The following HEBP1 variants were observed in gnomAD, a reference collection of about 807,000 sequenced individuals.
HEBP1 encodes the protein heme binding protein 1.
Under a neutral mutation model 20.4 loss-of-function variants are expected in HEBP1, and 13 were observed. The ratio of observed to expected loss-of-function variants is 0.64; its 90% confidence interval spans 0.42 to 1.01. The LOEUF (loss-of-function observed/expected upper bound fraction) is 1.01, where lower values mean the gene tolerates loss of function less well. HEBP1 is among the 50% of genes least tolerant of loss of function. HEBP1 has a pLI of 0.00. For synonymous variants in HEBP1, 92 were observed against 90.7 expected (o/e 1.01, Z -0.08); for missense variants, 241 against 247.3 (o/e 0.97, Z 0.17).
At chr12:12,994,680 C>T (rs1864269556) in intron 1 of HEBP1, among the ~76,000 whole-genome samples, 1 of 152,094 alleles carries the variant, frequency 6.6e-6, no homozygotes, top group South Asian at 2.1e-4. Flanking sequence ...TCTAGGAACC[C>T]CTAAAGTCAG....
In HEBP1 at chr12:12,989,392, C is replaced by T. The variant is rs767970203; in HGVS notation, c.102G>A (p.Arg34=). ...TGGCAAATTTGCCGCCTTCACAGGC[C>T]CTTTCTTCATAGGCAACTTCTTCCT... ...GDKEEVAYEE[R]ACEGGKFATV... is the part of the protein sequence containing the mutation. Residue 34 remains arginine, a synonymous_variant, in exon 2 of 4, where the codon AGG becomes AGA. Coordinates refer to ENST00000014930, the MANE Select transcript of HEBP1 (RefSeq NM_015987.5). 3.7e-6 allele frequency: 6 copies of T among 1,614,178 alleles called. No homozygotes were observed. In the Admixed American group the frequency reaches 8.3e-5, roughly 22 times the overall value.
At chr12:12,984,035 G>T (rs756212877) in intron 3 of HEBP1, 7 of 229,876 alleles carry the variant, frequency 3.0e-5, no homozygotes, top group Admixed American at 5.3e-5. Context: ...AAACTGAAAC[G>T]TATCAAATAT....
chr12:12,976,922 C>G (rs569762813), intron 3 of HEBP1, among the ~76,000 whole-genome samples: 4 of 152,278 alleles, frequency 2.6e-5, no homozygotes, highest in African/African-American at 9.6e-5. Flanking sequence ...TGAACCATGT[C>G]TTTAGTTGGA....
intron 2 of HEBP1, among the ~76,000 whole-genome samples, chr12:12,987,612 T>TTCTC (rs71064360): frequency 0.022 from 2,619 of 117,680 alleles, 92 homozygotes; most frequent in African/African-American, 0.074. Context: ...CTCTCTCTCT[T>TTCTC]TCTCTCTCTC....
intron 1 of HEBP1, among the ~76,000 whole-genome samples, chr12:12,992,577 C>G (rs763910699): frequency 6.6e-6 from 1 of 152,104 alleles, no homozygotes; most frequent in Admixed American, 6.5e-5. Context: ...GAGGAAATTG[C>G]GCCAGACCAG....
intron 1 of HEBP1, among the ~76,000 whole-genome samples, chr12:12,993,751 A>C (rs911479087): frequency 6.6e-6 from 1 of 152,192 alleles, no homozygotes; most frequent in African/African-American, 2.4e-5. Flanking sequence ...TCATTTAACC[A>C]ACAACTACTG....
chr12:12,999,901 C>A, intron 1 of HEBP1, 136 bp downstream of exon 1: 1 of 516,680 alleles, frequency 1.9e-6, no homozygotes, highest in Non-Finnish European at 3.6e-6. Context: ...GAGAGCCGCA[C>A]TCGCGACAGA....
intron 1 of HEBP1, among the ~76,000 whole-genome samples, chr12:12,994,926 T>G (rs575126461): frequency 6.6e-6 from 1 of 152,198 alleles, no homozygotes; most frequent in Non-Finnish European, 1.5e-5. Context: ...CTGTGTTAAT[T>G]AATCTGCTGC....
chr12:12,976,090 AAAAAAAAAAC>A (rs1863981995), intron 3 of HEBP1, among the ~76,000 whole-genome samples: 1 of 151,636 alleles, frequency 6.6e-6, no homozygotes, highest in African/African-American at 2.4e-5. Context: ...AAAAAAAAAA[AAAAAAAAAAC>A]AAACCAAAAA....
intron 1 of HEBP1, among the ~76,000 whole-genome samples, chr12:12,991,447 C>G (rs1864224873): frequency 6.6e-6 from 1 of 152,304 alleles, no homozygotes; most frequent in South Asian, 2.1e-4. Flanking sequence ...TCTTTTCACA[C>G]AAATCCTTCT....
Position 12,975,349 on chromosome 12 carries a change from G to C in HEBP1, c.529C>G (p.Pro177Ala), listed in dbSNP as rs1389840084. 6.2e-7 allele frequency: 1 copy of C among 1,613,950 alleles called. No individual in the cohort carries two copies. Among genetic ancestry groups the C allele is most frequent in the African/African-American group, 1.3e-5 (1 of 74,918 alleles). ...FCTGYDPPMK[P>A]YGRRNEIWLL... ...CAGATCTCATTGCGCCGTCCGTAGGGCTTCATGGGAGGGTCATAACCCGTG... is the reference window on the plus strand; with the variant it reads ...CAGATCTCATTGCGCCGTCCGTAGGCCTTCATGGGAGGGTCATAACCCGTG... The change falls in exon 4 of 4, where the codon CCC becomes GCC. Residue 177 changes from proline (P) to alanine (A), a missense_variant. Physicochemically the swap from Pro to Ala is conservative, Grantham distance 27. Transcript: ENST00000014930.
At chr12:12,999,956 C>G (rs983445027) in intron 1 of HEBP1, 81 bp downstream of exon 1, 2 of 948,714 alleles carry the variant, frequency 2.1e-6, no homozygotes, top group Non-Finnish European at 3.2e-6. Context: ...CCACCTGCCC[C>G]TCAGCACCCG....
rs746576485 is a variant in HEBP1, at chr12:12,989,363, A to G, written c.131T>C (p.Val44Ala). Reference sequence around the variant, plus strand: ...ATCCACAGGCTTATCTGTCACTTCTACTGTGGCAAATTTGCCGCCTTCACA... The same window carrying G: ...ATCCACAGGCTTATCTGTCACTTCTGCTGTGGCAAATTTGCCGCCTTCACA... ...RACEGGKFATVEVTDKPVDEA... is the reference protein window; with the variant it reads ...RACEGGKFATAEVTDKPVDEA... Residue 44 changes from valine to alanine, a missense_variant, in exon 2 of 4, where the codon GTA (valine) becomes GCA (alanine). Coordinates refer to ENST00000014930, the MANE Select transcript of HEBP1 (RefSeq NM_015987.5). The G allele has an allele frequency of 1.3e-5, 21 of 1,614,062 alleles. No homozygotes were observed. In the Admixed American group the frequency reaches 3.5e-4, roughly 27 times the overall value.
intron 2 of HEBP1, among the ~76,000 whole-genome samples, chr12:12,987,646 C>CTCTCGCTCTCTCTCTCTCTCT (rs1864171296): frequency 2.8e-5 from 4 of 143,898 alleles, no homozygotes; most frequent in Non-Finnish European, 4.6e-5. Flanking sequence ...TTCTTTCTTT[C>CTCTCGCTCTCTCTCTCTCTCT]TTCCGACAGT....
At chr12:12,989,481 A>G in intron 1 of HEBP1, 66 bp from the exon 2 acceptor site, 1 of 1,555,940 alleles carries the variant, frequency 6.4e-7, no homozygotes. Context: ...CTCTAGAAGT[A>G]GTAACAGAGG....
intron 3 of HEBP1, among the ~76,000 whole-genome samples, chr12:12,985,347 A>G (rs756159895): frequency 1.5e-4 from 23 of 152,172 alleles, no homozygotes; most frequent in Non-Finnish European, 2.2e-4. Context: ...GGGCTGGGTG[A>G]ATGCTGTGAA....
At chr12:12,989,696 A>G (rs1864194443) in intron 1 of HEBP1, among the ~76,000 whole-genome samples, 2 of 152,250 alleles carry the variant, frequency 1.3e-5, no homozygotes, top group African/African-American at 4.8e-5. Context: ...TTCAGAGAGC[A>G]AAAGAGCTCT....
At chr12:12,981,951 G>C (rs1864089408) in intron 3 of HEBP1, among the ~76,000 whole-genome samples, 1 of 152,170 alleles carries the variant, frequency 6.6e-6, no homozygotes, top group African/African-American at 2.4e-5. Context: ...GAGAGGCAAG[G>C]ATGAAGCTCT....
At chr12:12,991,088 G>C (rs1433180838) in intron 1 of HEBP1, among the ~76,000 whole-genome samples, 1 of 152,116 alleles carries the variant, frequency 6.6e-6, no homozygotes, top group Non-Finnish European at 1.5e-5. Flanking sequence ...ACAAACCTCT[G>C]GTCTCCCGCA....
Sources: gnomAD v4.1 joint callset for allele counts (sites outside exome capture counted in the v4.1 genomes callset) on GRCh38, gnomAD v4.1.1 for gene constraint, MANE v1.5 for transcripts, NCBI Gene and HGNC (gene_info 2026-07-23, HGNC 2026-07-21) for gene names.